Variants in DAB1 observed in about 807,000 individuals in gnomAD.
DAB1 encodes DAB adaptor protein 1.
Under a neutral mutation model 64.6 loss-of-function variants are expected in DAB1, and 15 were observed. The ratio of observed to expected loss-of-function variants is 0.23; its 90% CI spans 0.16 to 0.36. DAB1 has a LOEUF of 0.36. Ranked by LOEUF, DAB1 falls within the 10% of genes least tolerant of loss-of-function variation. The probability of loss-of-function intolerance (pLI) is 1.00; values close to 1 mark genes in which losing one functional copy is unlikely to be tolerated. For synonymous variants in DAB1, 235 were observed against 251.9 expected (o/e 0.93, Z 0.64); for missense variants, 596 against 706.7 (o/e 0.84, Z 1.78).
intron 7 of DAB1, among the ~76,000 whole-genome samples, chr1:57,644,579 A>G (rs1280507978): frequency 6.6e-6 from 1 of 152,046 alleles, no homozygotes; most frequent in East Asian, 1.9e-4. Flanking sequence ...ACACATACAT[A>G]TATACACACA....
chr1:58,190,885 T>C (rs1455960876), intron 4 of DAB1, among the ~76,000 whole-genome samples: 5 of 152,216 alleles, frequency 3.3e-5, no homozygotes, highest in Non-Finnish European at 1.5e-5. Flanking sequence ...CTGATGAGAC[T>C]GTGGGACTGG....
At chr1:57,502,739 C>G (rs1033674999) in intron 7 of DAB1, among the ~76,000 whole-genome samples, 3 of 152,172 alleles carry the variant, frequency 2.0e-5, no homozygotes, top group Non-Finnish European at 4.4e-5. Context: ...TCTGGAAGTT[C>G]AAAAATGTAT....
chr1:58,232,658 C>G (rs1012275895), intron 4 of DAB1, among the ~76,000 whole-genome samples: 3 of 152,158 alleles, frequency 2.0e-5, no homozygotes. Flanking sequence ...AAGAGACTTA[C>G]TCGGTCTCAA....
intron 7 of DAB1, among the ~76,000 whole-genome samples, chr1:57,506,899 C>T (rs1427323239): frequency 6.6e-6 from 1 of 151,972 alleles, no homozygotes; most frequent in East Asian, 1.9e-4. Context: ...CTGAACCCAC[C>T]ATTCCCTCTC....
chr1:58,133,208 C>G (rs548634017), intron 5 of DAB1, among the ~76,000 whole-genome samples: 2 of 152,180 alleles, frequency 1.3e-5, no homozygotes, highest in Non-Finnish European at 2.9e-5. Flanking sequence ...TTTTTCCCCA[C>G]CATGCATCTT....
chr1:57,259,909 G>C (rs1016344428), intron 2 of DAB1, among the ~76,000 whole-genome samples: 7 of 152,088 alleles, frequency 4.6e-5, no homozygotes, highest in Admixed American at 4.6e-4. Flanking sequence ...CTTCTTATTT[G>C]CTAATTTTCT....
At chr1:57,403,621 A>G (rs1683413343) in intron 1 of DAB1, among the ~76,000 whole-genome samples, 1 of 152,208 alleles carries the variant, frequency 6.6e-6, no homozygotes, top group Non-Finnish European at 1.5e-5. Context: ...AATTAAAAGA[A>G]GGTATAGAAA....
At chr1:57,445,279 C>T (rs1686098772) in intron 7 of DAB1, among the ~76,000 whole-genome samples, 1 of 151,942 alleles carries the variant, frequency 6.6e-6, no homozygotes, top group South Asian at 2.1e-4. Flanking sequence ...CATATATATG[C>T]AGAAGCAACT....
chr1:57,128,222 C>T (rs1039746352), intron 4 of DAB1, among the ~76,000 whole-genome samples: 1 of 151,494 alleles, frequency 6.6e-6, no homozygotes, highest in Admixed American at 6.6e-5. Flanking sequence ...GAATATTTAT[C>T]TTGAAAGTTC....
intron 7 of DAB1, among the ~76,000 whole-genome samples, chr1:57,451,582 G>T (rs980617206): frequency 6.6e-6 from 1 of 152,122 alleles, no homozygotes; most frequent in Non-Finnish European, 1.5e-5. Flanking sequence ...ATTAACAAGG[G>T]TCTAACAGCT....
chr1:58,470,146 TTA>T (rs1345528099), intron 3 of DAB1, among the ~76,000 whole-genome samples: 1 of 102,972 alleles, frequency 9.7e-6, no homozygotes, highest in Non-Finnish European at 2.1e-5. Context: ...ATTTATTTAT[TTA>T]TTTATTTATT....
intron 4 of DAB1, among the ~76,000 whole-genome samples, chr1:58,313,775 C>T (rs1662481987): frequency 6.6e-6 from 1 of 150,778 alleles, no homozygotes; most frequent in Admixed American, 6.6e-5. Flanking sequence ...CTGGTTAGGG[C>T]CCTCTTCTTG....
At chr1:57,883,625 G>T (rs1240092472) in intron 1 of DAB1, among the ~76,000 whole-genome samples, 1 of 152,160 alleles carries the variant, frequency 6.6e-6, no homozygotes, top group African/African-American at 2.4e-5. Flanking sequence ...CAGATCTTAG[G>T]CAGCCAAGAT....
intron 7 of DAB1, among the ~76,000 whole-genome samples, chr1:57,592,555 T>C (rs371415280): frequency 3.4e-4 from 51 of 152,084 alleles, no homozygotes; most frequent in African/African-American, 1.2e-3. Flanking sequence ...TCATAGACAA[T>C]AGAAAACCAA....
In DAB1 at chr1:58,099,972, G is replaced by A. The variant is rs1266568126; in HGVS notation, n.387+50539C>T. Reference sequence around the variant, plus strand: ...TGCTTCTTCTGGTCTTTGCTCAAGTGTCATCTGCTCAGCAATTCCTTCCAT... The same window carrying A: ...TGCTTCTTCTGGTCTTTGCTCAAGTATCATCTGCTCAGCAATTCCTTCCAT... On this transcript the variant is annotated intron_variant and non_coding_transcript_variant, in intron 5 of 20. Transcript: ENST00000485760. 2.6e-5 allele frequency among the ~76,000 whole-genome samples: 4 copies of A among 152,176 alleles called. No homozygotes were observed. The East Asian group carries it at 5.8e-4, about 22-fold the overall frequency.
At chr1:58,403,340 T>C (rs973950303) in intron 3 of DAB1, among the ~76,000 whole-genome samples, 6 of 151,520 alleles carry the variant, frequency 4.0e-5, no homozygotes, top group Non-Finnish European at 7.4e-5. Flanking sequence ...TCCTCAACTC[T>C]CTAGATAATT....
intron 1 of DAB1, among the ~76,000 whole-genome samples, chr1:57,385,082 T>C (rs748776715): frequency 6.6e-6 from 1 of 152,162 alleles, no homozygotes; most frequent in Non-Finnish European, 1.5e-5. Context: ...AATACACAGA[T>C]TGGGATGTCT....
At position 58,374,117 on chromosome 1, in the gene DAB1, C is replaced by T. The variant is rs534574839; in HGVS notation, n.258-30714G>A. Among the ~76,000 whole-genome samples the T allele has an allele frequency of 8.2e-4, 65 of 79,148 alleles. 6 individuals carry two copies. The highest frequency in any genetic ancestry group is 2.4e-3 in the African/African-American group (59 of 24,662). 51.9% of individuals were successfully genotyped at this position (79,148 alleles called of 152,430 possible). ...TGAGTAGGTTGCAAAAATTTTCTCC[C>T]GTGTTGTAGGTTGCCTGTTCACTCT... On this transcript the variant is annotated intron_variant and non_coding_transcript_variant, in intron 3 of 20. Coordinates refer to the DAB1 transcript ENST00000485760.
intron 4 of DAB1, among the ~76,000 whole-genome samples, chr1:57,096,844 T>G (rs1654211770): frequency 6.6e-6 from 1 of 152,324 alleles, no homozygotes; most frequent in Middle Eastern, 3.4e-3. Context: ...ATTGAATAAA[T>G]AATACAATGC....
Sources: allele counts gnomAD v4.1 joint callset (sites outside exome capture counted in the v4.1 genomes callset), GRCh38; gene constraint gnomAD v4.1.1; transcripts MANE v1.5; gene names NCBI Gene and HGNC (gene_info 2026-07-23, HGNC 2026-07-21).